The following MMD2 variants were observed in gnomAD, a reference collection of about 807,000 sequenced individuals.
The protein encoded by MMD2 is monocyte to macrophage differentiation associated 2.
A neutral mutation model predicts 33.5 loss-of-function variants in MMD2; 30 were observed. That is an observed-to-expected ratio of 0.90 (90% CI 0.67 to 1.22). The LOEUF is 1.22. Ranked by LOEUF, MMD2 falls within the 50% of genes most tolerant of loss-of-function variation. The pLI, the probability that MMD2 is intolerant of heterozygous loss-of-function variation, is 0.00. For synonymous variants in MMD2, 129 were observed against 123.0 expected (o/e 1.05, Z -0.32); for missense variants, 364 against 325.4 (o/e 1.12, Z -0.91).
rs138036120 is a variant in MMD2, at chr7:4,920,688, TCCTC to T, written c.130-361_130-358del. Among the ~76,000 whole-genome samples the T allele has an allele frequency of 5.0e-3, 436 of 87,892 alleles. 8 individuals are homozygous for T. Among genetic ancestry groups the T allele is most frequent in the African/African-American group, 0.019 (381 of 20,086 alleles). 57.7% of individuals were successfully genotyped at this position (87,892 alleles called of 152,430 possible). A position where few individuals can be genotyped will look rare whatever the true frequency, so the allele number is the denominator to read the frequency against. ...TTCTTCCCCTTCCCTCCTCCCTCTCTCCTCCCTCCCTCCCTCCCTCCCTCCCTCC... is the reference window on the plus strand; with the variant it reads ...TTCTTCCCCTTCCCTCCTCCCTCTCTCCTCCCTCCCTCCCTCCCTCCCTCC... On this transcript the variant is annotated intron_variant, in intron 2 of 6. Coordinates refer to ENST00000401401, the MANE Select transcript of MMD2 (RefSeq NM_198403.4).
rs770493219 is a variant in MMD2, at chr7:4,911,210, G to A, written c.402C>T (p.His134=). 10 of 1,602,076 alleles carry A rather than the reference G, an allele frequency of 6.2e-6. No individual in the cohort carries two copies. Among genetic ancestry groups the A allele is most frequent in the Middle Eastern group, 1.6e-4 (1 of 6,072 alleles). The change falls in exon 5 of 7, where the codon CAC becomes CAT. Residue 134 remains histidine, a synonymous_variant. Coordinates refer to ENST00000401401, the MANE Select transcript of MMD2 (RefSeq NM_198403.4). Reference sequence around the variant, plus strand: ...CCATAATCCAGACCAGCCAGCGCATGTGGGAGGCCCAGGGGCCCAGCTCCC... The same window carrying A: ...CCATAATCCAGACCAGCCAGCGCATATGGGAGGCCCAGGGGCCCAGCTCCC... ...NLRELGPWAS[H]MRWLVWIMAS...
At chr7:4,945,241 T>TTCTTCTTCTTCTTC (rs1562493940) in intron 1 of MMD2, among the ~76,000 whole-genome samples, 10 of 147,574 alleles carry the variant, frequency 6.8e-5, no homozygotes, top group African/African-American at 2.3e-4. Context: ...TTCTTCTTCC[T>TTCTTCTTCTTCTTC]CTCTCTCTTT....
chr7:4,939,240 G>C (rs1785834856), intron 1 of MMD2, among the ~76,000 whole-genome samples: 1 of 150,964 alleles, frequency 6.6e-6, no homozygotes, highest in Non-Finnish European at 1.5e-5. Context: ...AGGAGGGGAG[G>C]TGCTAGGTAA....
intron 1 of MMD2, among the ~76,000 whole-genome samples, chr7:4,942,398 C>G (rs1785935172): frequency 7.0e-6 from 1 of 143,332 alleles, no homozygotes; most frequent in African/African-American, 2.6e-5. Context: ...CCTGGCCCTG[C>G]CTGGGAGGAC....
intron 3 of MMD2, 136 bp from the exon 4 acceptor site, chr7:4,916,215 C>T (rs1785138853): frequency 1.4e-6 from 1 of 709,238 alleles, no homozygotes; most frequent in Non-Finnish European, 2.4e-6. Context: ...GCCAAGACCC[C>T]TTGGCCCTCA....
chr7:4,915,648 G>C (rs1274562074), intron 4 of MMD2, among the ~76,000 whole-genome samples: 1 of 151,888 alleles, frequency 6.6e-6, no homozygotes, highest in Non-Finnish European at 1.5e-5. Flanking sequence ...GCAGAGGCAG[G>C]AGAATCGCTT....
In MMD2 at chr7:4,940,158, G is replaced by A. The variant is rs145862407; in HGVS notation, c.48-14626C>T. On this transcript the variant is annotated intron_variant, in intron 1 of 6. Transcript: ENST00000401401. The surrounding 1 kb of genome is among the most constrained non-coding windows in gnomAD (Gnocchi z 5.0). Reference sequence around the variant, plus strand: ...GGACTGACTAATGGGGTGTGAAGGGGTTCCTGAGGCCTGGCATGTTGAGCA... The same window carrying A: ...GGACTGACTAATGGGGTGTGAAGGGATTCCTGAGGCCTGGCATGTTGAGCA... 1.0e-3 allele frequency among the ~76,000 whole-genome samples: 156 copies of A among 152,302 alleles called. 1 individual carries two copies. Among genetic ancestry groups the A allele is most frequent in the African/African-American group, 3.6e-3 (151 of 41,564 alleles).
the MMD2 span, among the ~76,000 whole-genome samples, chr7:4,897,061 T>C: frequency 6.6e-6 from 1 of 151,884 alleles, no homozygotes; most frequent in Admixed American, 6.6e-5. Flanking sequence ...GGTTTCGCCA[T>C]GTTGACTGAG....
rs962974597 is a variant in MMD2, at chr7:4,959,122, G to A, written c.-105C>T. The stretch of plus-strand genomic sequence containing the variant: ...CAGCAGGTTGGAGGGCGCGCGGCGG[G>A]GGCCAAGGGGACCTGGTCGGCGCCC... On this transcript the variant is annotated 5_prime_UTR_variant, in exon 1 of 7. Transcript: ENST00000401401. 45 of 936,026 alleles carry A rather than the reference G, an allele frequency of 4.8e-5. No individual in the cohort carries two copies. In the African/African-American group the frequency reaches 7.1e-4, roughly 15 times the overall value. 58.0% of individuals were successfully genotyped at this position (936,026 alleles called of 1,614,324 possible). A position where few individuals can be genotyped will look rare whatever the true frequency, so the allele number is the denominator to read the frequency against.
chr7:4,912,583 C>T (rs1448889988), intron 4 of MMD2, among the ~76,000 whole-genome samples: 2 of 148,908 alleles, frequency 1.3e-5, no homozygotes, highest in Non-Finnish European at 3.0e-5. Flanking sequence ...AAAGGGATAA[C>T]GGTCAATGCA....
chr7:4,945,241 T>TC (rs1554273382), intron 1 of MMD2, among the ~76,000 whole-genome samples: 6 of 147,452 alleles, frequency 4.1e-5, no homozygotes, highest in African/African-American at 1.3e-4. Context: ...TTCTTCTTCC[T>TC]CTCTCTCTTT....
chr7:4,934,914 G>C (rs1170142202), intron 1 of MMD2, among the ~76,000 whole-genome samples: 8 of 152,130 alleles, frequency 5.3e-5, no homozygotes, highest in African/African-American at 1.9e-4. Flanking sequence ...GGCCGAGCGG[G>C]GTGGCTCACG....
chr7:4,899,373 A>G, the MMD2 span, among the ~76,000 whole-genome samples: 1 of 151,716 alleles, frequency 6.6e-6, no homozygotes, highest in Admixed American at 6.6e-5. Flanking sequence ...AACTACAATC[A>G]CTGTGTAAAA....
Position 4,930,139 on chromosome 7 carries a change from G to A in MMD2, c.48-4607C>T, listed in dbSNP as rs556748457. Among the ~76,000 whole-genome samples the A allele has an allele frequency of 5.9e-5, 9 of 151,624 alleles. No homozygotes were observed. The East Asian group carries it at 1.6e-3, about 27-fold the overall frequency. ...AAAAAAAATAGCTGAGTGTGGTGGC[G>A]GGCACCTGTAGTCCCAGCTACTTGG... On this transcript the variant is annotated intron_variant, in intron 1 of 6. Transcript: ENST00000401401.
chr7:4,954,326 T>C (rs1031962567), intron 1 of MMD2, among the ~76,000 whole-genome samples: 8 of 152,220 alleles, frequency 5.3e-5, no homozygotes, highest in African/African-American at 1.9e-4. Flanking sequence ...TGGATATTAA[T>C]TACTTGTTGG....
At chr7:4,952,784 T>C (rs1234977763) in intron 1 of MMD2, among the ~76,000 whole-genome samples, 4 of 149,836 alleles carry the variant, frequency 2.7e-5, no homozygotes, top group Non-Finnish European at 5.9e-5. Context: ...CTCCGCCTCC[T>C]GGGTTCAAGC....
At chr7:4,898,971 A>T in the MMD2 span, among the ~76,000 whole-genome samples, 1 of 151,626 alleles carries the variant, frequency 6.6e-6, no homozygotes, top group South Asian at 2.1e-4. Context: ...GGAAGGAAGG[A>T]AGCTAGGAAG....
chr7:4,937,987 TTTTTTTCTTTCTTTC>T, intron 1 of MMD2, among the ~76,000 whole-genome samples: 1 of 137,298 alleles, frequency 7.3e-6, no homozygotes, highest in Non-Finnish European at 1.5e-5. Context: ...TTTTTTTTTC[TTTTTTTCTTTCTTTC>T]TTTTTTTTTT....
chr7:4,936,999 G>C (rs986991258), intron 1 of MMD2, among the ~76,000 whole-genome samples: 1 of 151,432 alleles, frequency 6.6e-6, no homozygotes, highest in African/African-American at 2.4e-5. Flanking sequence ...GCCTCCCAAA[G>C]TGTTGGAATT....
Sources: gnomAD v4.1 joint callset for allele counts (sites outside exome capture counted in the v4.1 genomes callset) on GRCh38, gnomAD v4.1.1 for gene constraint, Gnocchi (gnomAD v3.1) non-coding constraint, MANE v1.5 for transcripts, NCBI Gene and HGNC (gene_info 2026-07-23, HGNC 2026-07-21) for gene names.